Variants in MAP3K15 observed in about 807,000 individuals in gnomAD.
MAP3K15 encodes the protein MAPK/ERK kinase kinase 15.
A neutral mutation model predicts 99.5 loss-of-function variants in MAP3K15; 124 were observed. That is an observed-to-expected ratio of 1.25 (90% CI 1.08 to 1.45). The LOEUF is 1.45. Ranked by LOEUF, MAP3K15 falls within the 40% of genes most tolerant of loss-of-function variation. The pLI is 0.00. For synonymous variants in MAP3K15, 494 were observed against 439.6 expected (o/e 1.12, Z -1.55); for missense variants, 1,242 against 1,079.7 (o/e 1.15, Z -2.11).
At chrX:19,391,827 A>G (rs1371439684) in intron 18 of MAP3K15, among the ~76,000 whole-genome samples, 175 bp downstream of exon 18, 1 of 111,780 alleles carries the variant, frequency 8.9e-6, no homozygotes, top group Non-Finnish European at 1.9e-5. Flanking sequence ...TAGGTGCATC[A>G]CTATGACAAA....
chrX:19,511,560 G>GA (rs1411468146), intron 1 of MAP3K15, among the ~76,000 whole-genome samples: 12 of 109,440 alleles, frequency 1.1e-4, no homozygotes, highest in Non-Finnish European at 1.5e-4. Flanking sequence ...ACAAACATAT[G>GA]AAAAAAAAAC....
At position 19,464,027 on chromosome X, in the gene MAP3K15, C is replaced by T. The variant is rs183431434; in HGVS notation, c.719+186G>A. 2.6e-3 allele frequency among the ~76,000 whole-genome samples: 293 copies of T among 111,445 alleles called. 1 individual carries two copies. The highest frequency in any genetic ancestry group is 9.0e-3 in the African/African-American group (277 of 30,712). ...AGTCAGGGCCAGACACGGGCTCAATCCCGACTTCTTAACTCCAGTTCTATT... is the reference window on the plus strand; with the variant it reads ...AGTCAGGGCCAGACACGGGCTCAATTCCGACTTCTTAACTCCAGTTCTATT... On this transcript the variant is annotated intron_variant, in intron 4 of 28. Transcript: ENST00000338883.
At chrX:19,393,558 G>A (rs1374239863) in intron 16 of MAP3K15, among the ~76,000 whole-genome samples, 3 of 109,605 alleles carry the variant, frequency 2.7e-5, no homozygotes, top group Non-Finnish European at 5.7e-5. Context: ...CTTGAACCCA[G>A]GAGGCAGAGG....
intron 6 of MAP3K15, among the ~76,000 whole-genome samples, chrX:19,456,625 G>C (rs1429826275): frequency 2.7e-5 from 3 of 112,043 alleles, no homozygotes; most frequent in Admixed American, 1.9e-4. Flanking sequence ...AAATTTTACC[G>C]ATTTAAAAAA....
chrX:19,402,219 C>G (rs954872935), intron 13 of MAP3K15, among the ~76,000 whole-genome samples: 4 of 109,637 alleles, frequency 3.6e-5, no homozygotes, highest in Admixed American at 2.9e-4. Flanking sequence ...TGCTTGAGAC[C>G]GGGAGGCAGA....
At chrX:19,461,583 A>G (rs1202540681) in intron 4 of MAP3K15, among the ~76,000 whole-genome samples, 1 of 112,455 alleles carries the variant, frequency 8.9e-6, no homozygotes, top group African/African-American at 3.2e-5. Context: ...CTTGGTATAC[A>G]TAAGTTGAGT....
intron 13 of MAP3K15, 66 bp from the exon 14 acceptor site, chrX:19,400,729 T>C: frequency 2.7e-6 from 2 of 748,078 alleles, no homozygotes; most frequent in Non-Finnish European, 4.0e-6. Flanking sequence ...GTTTTTAACT[T>C]AGCTTTATTA....
chrX:19,393,043 A>C, intron 16 of MAP3K15, among the ~76,000 whole-genome samples: 1 of 110,978 alleles, frequency 9.0e-6, no homozygotes, highest in Non-Finnish European at 1.9e-5. Context: ...GTCTTGATCA[A>C]CAACCACTTC....
At position 19,384,749 on chromosome X, in the gene MAP3K15, GAAAAAAAA is replaced by G. The variant is rs34619145; in HGVS notation, c.2432-4480_2432-4473del. ...ATGGGAGTGAGACCTTGTCTCAGGG[GAAAAAAAA>G]AAAAAAAAAAAAAAAAAAAAAAACT... On this transcript the variant is annotated intron_variant, in intron 18 of 28. Coordinates refer to ENST00000338883, the MANE Select transcript of MAP3K15 (RefSeq NM_001001671.4). Among the ~76,000 whole-genome samples, 73 of 22,550 alleles carry G rather than the reference GAAAAAAAA, an allele frequency of 3.2e-3. 1 individual carries two copies. Among genetic ancestry groups the G allele is most frequent in the African/African-American group, 0.012 (64 of 5,270 alleles). The allele number at this position is 22,550 out of a possible 115,157, so 19.6% of individuals were successfully genotyped here. A position where few individuals can be genotyped will look rare whatever the true frequency, so the allele number is the denominator to read the frequency against.
At chrX:19,483,833 T>C (rs1460286741) in intron 3 of MAP3K15, among the ~76,000 whole-genome samples, 1 of 111,936 alleles carries the variant, frequency 8.9e-6, no homozygotes, top group Admixed American at 9.5e-5. Flanking sequence ...TTTACCCTAC[T>C]TCCATCCCAT....
intron 1 of MAP3K15, among the ~76,000 whole-genome samples, chrX:19,508,875 C>A (rs2064498293): frequency 9.0e-6 from 1 of 110,833 alleles, no homozygotes; most frequent in South Asian, 3.8e-4. Context: ...CAGAGTGAGA[C>A]CCTGTCTCAA....
At chrX:19,460,760 T>TG (rs1555960386) in intron 4 of MAP3K15, among the ~76,000 whole-genome samples, 1,633 of 109,506 alleles carry the variant, frequency 0.015, 38 homozygotes, top group African/African-American at 0.051. Flanking sequence ...TTTGTTTTTT[T>TG]GTTTTTTTTT....
Position 19,417,670 on chromosome X carries a change from G to A in MAP3K15, c.1440-2413C>T, listed in dbSNP as rs781780673. Among the ~76,000 whole-genome samples the A allele has an allele frequency of 3.7e-3, 417 of 111,748 alleles. 2 individuals are homozygous for A. The highest frequency in any genetic ancestry group is 0.012 in the African/African-American group (381 of 30,737). ...AATCCTCTGCAGACTTAAATGTCCC[G>A]GTCTGACAGCTTTGAAGAGAGTAGT... is the stretch of plus-strand genomic sequence containing the variant. On this transcript the variant is annotated intron_variant, in intron 9 of 28. Coordinates refer to ENST00000338883, the MANE Select transcript of MAP3K15 (RefSeq NM_001001671.4).
chrX:19,420,362 C>T (rs1471297739), intron 9 of MAP3K15, among the ~76,000 whole-genome samples: 1 of 111,848 alleles, frequency 8.9e-6, no homozygotes, highest in Non-Finnish European at 1.9e-5. Flanking sequence ...GATATCACCA[C>T]TGATCCCACA....
Position 19,450,618 on chromosome X carries a change from T to A in MAP3K15, c.995+6295A>T, listed in dbSNP as rs997042969. Among the ~76,000 whole-genome samples the A allele has an allele frequency of 1.8e-4, 20 of 109,285 alleles. 1 individual carries two copies. The highest frequency in any genetic ancestry group is 6.8e-4 in the Admixed American group (7 of 10,309). The allele number at this position is 109,285 out of a possible 115,157, so 94.9% of individuals were successfully genotyped here. ...TGTTGGACTTGAAAACGTGATTTTTTAAAAAATCACCTGTTAACTTCAGTC... is the reference window on the plus strand; with the variant it reads ...TGTTGGACTTGAAAACGTGATTTTTAAAAAAATCACCTGTTAACTTCAGTC... On this transcript the variant is annotated intron_variant, in intron 6 of 28. Transcript: ENST00000338883.
At chrX:19,482,499 A>G (rs906459006) in intron 3 of MAP3K15, among the ~76,000 whole-genome samples, 42 of 112,293 alleles carry the variant, frequency 3.7e-4, no homozygotes, top group Non-Finnish European at 5.3e-4. Context: ...GCCAGATGCA[A>G]AAGATCACAT....
Position 19,373,703 on chromosome X carries a change from G to A in MAP3K15, c.2774-8C>T. On this transcript the variant is annotated splice_region_variant and splice_polypyrimidine_tract_variant and intron_variant, in intron 20 of 28. Transcript: ENST00000338883. The stretch of plus-strand genomic sequence containing the variant: ...CGACACCGCGGGGACCTTCTGTAGG[G>A]GGACAGCCAGACACCGAATGGGGAG... The A allele has an allele frequency of 1.7e-6, 2 of 1,195,955 alleles. No individual in the cohort carries two copies. The highest frequency in any genetic ancestry group is 1.7e-5 in the African/African-American group (1 of 57,728).
intron 3 of MAP3K15, among the ~76,000 whole-genome samples, chrX:19,483,554 CACTA>C (rs1446390071): frequency 1.9e-5 from 2 of 106,381 alleles, no homozygotes; most frequent in Admixed American, 1.0e-4. Context: ...CTTCACTGTT[CACTA>C]ACTATGAGTG....
At position 19,373,834 on chromosome X, in the gene MAP3K15, G is replaced by A. The variant is rs1163390374; in HGVS notation, c.2774-139C>T. 4 of 622,848 alleles carry A rather than the reference G, an allele frequency of 6.4e-6. No homozygotes were observed. In the Admixed American group the frequency reaches 1.1e-4, roughly 17 times the overall value. The allele number at this position is 622,848 out of a possible 1,213,427, so 51.3% of individuals were successfully genotyped here. The stretch of plus-strand genomic sequence containing the variant: ...TAGAAATGTGGGTTGGGCGGGGGAC[G>A]GGCCACAGGTGCTGTATTTCTACTC... On this transcript the variant is annotated intron_variant, in intron 20 of 28. Coordinates refer to ENST00000338883, the MANE Select transcript of MAP3K15 (RefSeq NM_001001671.4).
Sources: gnomAD v4.1 joint callset for allele counts (sites outside exome capture counted in the v4.1 genomes callset) on GRCh38, gnomAD v4.1.1 for gene constraint, MANE v1.5 for transcripts, NCBI Gene and HGNC (gene_info 2026-07-23, HGNC 2026-07-21) for gene names.